Variants in LPAR3 observed in about 807,000 individuals in gnomAD.
LPAR3 encodes the protein LPA receptor 3.
Under a neutral mutation model 17.8 loss-of-function variants are expected in LPAR3, and 7 were observed. The ratio of observed to expected loss-of-function variants is 0.39; its 90% CI spans 0.22 to 0.74. LPAR3 has a LOEUF of 0.74. Ranked by LOEUF, LPAR3 falls within the 30% of genes least tolerant of loss-of-function variation. The pLI is 0.40. For synonymous variants in LPAR3, 179 were observed against 179.9 expected (o/e 0.99, Z 0.04); for missense variants, 391 against 453.4 (o/e 0.86, Z 1.25).
intron 2 of LPAR3, among the ~76,000 whole-genome samples, chr1:84,827,865 A>G (rs994209007): frequency 6.6e-5 from 10 of 152,202 alleles, no homozygotes; most frequent in African/African-American, 2.4e-4. Flanking sequence ...AAATAAGTCC[A>G]GGGACACCAA....
intron 2 of LPAR3, among the ~76,000 whole-genome samples, chr1:84,834,203 T>TATTTTCCCAGGG: frequency 6.6e-6 from 1 of 152,222 alleles, no homozygotes; most frequent in Non-Finnish European, 1.5e-5. Flanking sequence ...TGGGACTATA[T>TATTTTCCCAGGG]ATTGGTACCA....
chr1:84,858,832 T>C (rs557707774), intron 2 of LPAR3, among the ~76,000 whole-genome samples: 1 of 152,302 alleles, frequency 6.6e-6, no homozygotes, highest in East Asian at 1.9e-4. Flanking sequence ...TTAAGTACGT[T>C]GATTGTTGTA....
chr1:84,866,712 G>A (rs1276423232), intron 1 of LPAR3, among the ~76,000 whole-genome samples: 1 of 152,144 alleles, frequency 6.6e-6, no homozygotes, highest in Non-Finnish European at 1.5e-5. Context: ...TACCCCAAGA[G>A]ACCAGTTTTC....
chr1:84,826,267 T>C (rs866381505), intron 2 of LPAR3, among the ~76,000 whole-genome samples: 2 of 151,960 alleles, frequency 1.3e-5, no homozygotes, highest in South Asian at 2.1e-4. Context: ...ACTCATTTCA[T>C]CATGCTAGTA....
Position 84,843,028 on chromosome 1 carries a change from G to A in LPAR3, c.736+22357C>T, listed in dbSNP as rs570831713. 3.9e-5 allele frequency among the ~76,000 whole-genome samples: 6 copies of A among 152,322 alleles called. No homozygotes were observed. In the East Asian group the frequency reaches 7.7e-4, roughly 20 times the overall value. ...TCCCCTTAAAAGATGAGGTCTGAGA[G>A]GGGGAGGACCAAGTACTGAAGAGAA... On this transcript the variant is annotated intron_variant, in intron 2 of 2. Coordinates refer to ENST00000370611, the MANE Select transcript of LPAR3 (RefSeq NM_012152.3).
At chr1:84,814,225 A>G in intron 2 of LPAR3, 54 bp from the exon 3 acceptor site, 1 of 1,476,574 alleles carries the variant, frequency 6.8e-7, no homozygotes, top group Non-Finnish European at 9.3e-7. Flanking sequence ...GGACTTATTC[A>G]GGTTTTCTTC....
intron 2 of LPAR3, among the ~76,000 whole-genome samples, chr1:84,838,990 C>T (rs537713965): frequency 3.8e-4 from 58 of 152,350 alleles, no homozygotes; most frequent in African/African-American, 1.4e-3. Context: ...GACACCACCA[C>T]AGGTTTCAGT....
chr1:84,828,439 T>C (rs1659208618), intron 2 of LPAR3, among the ~76,000 whole-genome samples: 1 of 152,214 alleles, frequency 6.6e-6, no homozygotes, highest in African/African-American at 2.4e-5. Context: ...TTTATTCTAA[T>C]TTTCTTCAAA....
chr1:84,827,114 C>G (rs906617980), intron 2 of LPAR3, among the ~76,000 whole-genome samples: 27 of 152,194 alleles, frequency 1.8e-4, no homozygotes, highest in African/African-American at 6.5e-4. Flanking sequence ...GGTAAAACCA[C>G]AACATAATCT....
intron 1 of LPAR3, among the ~76,000 whole-genome samples, chr1:84,878,396 G>A (rs551999971): frequency 6.6e-6 from 1 of 152,108 alleles, no homozygotes; most frequent in South Asian, 2.1e-4. Context: ...TTCCAGACTT[G>A]GTTCTCAGCC....
Position 84,812,536 on chromosome 1 carries a change from G to A in LPAR3, c.*1310C>T, listed in dbSNP as rs1171184397. On this transcript the variant is annotated 3_prime_UTR_variant, in exon 3 of 3. Coordinates refer to ENST00000370611, the MANE Select transcript of LPAR3 (RefSeq NM_012152.3). ...CAACCTCCACCTCCCGGGTTCAAGT[G>A]ATTCTTATGCCTCAGCTTCCCAAGT... is the stretch of plus-strand genomic sequence containing the variant. 6.8e-6 allele frequency: 1 copy of A among 146,280 alleles called. No individual in the cohort carries two copies. Among genetic ancestry groups the A allele is most frequent in the African/African-American group, 2.6e-5 (1 of 39,092 alleles). 9.1% of individuals were successfully genotyped at this position (146,280 alleles called of 1,614,324 possible). A position where few individuals can be genotyped will look rare whatever the true frequency, so the allele number is the denominator to read the frequency against.
chr1:84,888,713 A>C (rs1660502134), intron 1 of LPAR3, among the ~76,000 whole-genome samples: 1 of 152,172 alleles, frequency 6.6e-6, no homozygotes, highest in African/African-American at 2.4e-5. Context: ...CTTTGGACCA[A>C]ATAGTGCACT....
chr1:84,828,293 A>C (rs1659204648), intron 2 of LPAR3, among the ~76,000 whole-genome samples: 1 of 152,118 alleles, frequency 6.6e-6, no homozygotes, highest in South Asian at 2.1e-4. Flanking sequence ...GAGGGGAAAA[A>C]ATTCGAATGG....
At chr1:84,831,900 C>T (rs1287781000) in intron 2 of LPAR3, among the ~76,000 whole-genome samples, 2 of 150,650 alleles carry the variant, frequency 1.3e-5, no homozygotes, top group East Asian at 1.9e-4. Context: ...CACACATATG[C>T]ACATACACAC....
intron 2 of LPAR3, among the ~76,000 whole-genome samples, chr1:84,824,180 T>C (rs983109947): frequency 6.6e-6 from 1 of 152,164 alleles, no homozygotes; most frequent in Admixed American, 6.5e-5. Flanking sequence ...ACATAACAGA[T>C]GGCATAAAAT....
At chr1:84,850,015 C>T (rs1659672632) in intron 2 of LPAR3, among the ~76,000 whole-genome samples, 1 of 152,190 alleles carries the variant, frequency 6.6e-6, no homozygotes, top group Admixed American at 6.5e-5. Flanking sequence ...GACAGCTCTG[C>T]TGTCACGTTC....
At chr1:84,823,358 T>C (rs1374321289) in intron 2 of LPAR3, among the ~76,000 whole-genome samples, 1 of 152,174 alleles carries the variant, frequency 6.6e-6, no homozygotes, top group Non-Finnish European at 1.5e-5. Context: ...AGAAAATAGA[T>C]TGTCACCGAT....
intron 2 of LPAR3, among the ~76,000 whole-genome samples, chr1:84,819,357 A>T (rs981886856): frequency 1.3e-5 from 2 of 152,216 alleles, no homozygotes; most frequent in African/African-American, 4.8e-5. Flanking sequence ...TGACCAAGCC[A>T]AATGAAAATT....
At chr1:84,862,531 A>G (rs1449530460) in intron 2 of LPAR3, among the ~76,000 whole-genome samples, 3 of 152,248 alleles carry the variant, frequency 2.0e-5, no homozygotes, top group Non-Finnish European at 4.4e-5. Context: ...TGAGAATTAA[A>G]TAAGTTAATG....
Sources: gnomAD v4.1 joint callset for allele counts (sites outside exome capture counted in the v4.1 genomes callset) on GRCh38, gnomAD v4.1.1 for gene constraint, MANE v1.5 for transcripts, NCBI Gene and HGNC (gene_info 2026-07-23, HGNC 2026-07-21) for gene names.